The following REEP5 variants were observed in gnomAD, a reference collection of about 807,000 sequenced individuals.
REEP5 encodes receptor expression-enhancing protein 5.
REEP5 carries 24 observed loss-of-function variants against 22.4 expected under a neutral mutation model. That is an observed-to-expected ratio of 1.07 (90% CI 0.78 to 1.51). The LOEUF (loss-of-function observed/expected upper bound fraction) is 1.51. Among genes scored for constraint, REEP5 ranks in the 40% most tolerant of loss-of-function variants. The pLI is 0.00. For synonymous variants in REEP5, 103 were observed against 88.6 expected, an observed-to-expected ratio of 1.16 and a Z score of -0.92; for missense variants, 252 against 233.0, an observed-to-expected ratio of 1.08 and a Z score of -0.53.
chr5:112,909,096 C>T (rs2150046419), intron 2 of REEP5, among the ~76,000 whole-genome samples: 1 of 151,640 alleles, frequency 6.6e-6, no homozygotes, highest in South Asian at 2.1e-4. Flanking sequence ...GCTTTCCCTT[C>T]ATTTCTTCTC....
At position 112,886,875 on chromosome 5, in the gene REEP5, C is replaced by G. The variant is rs1444888374; in HGVS notation, c.520+140G>C. ...TGTAAGTGTTCTCAATAGGCAAAGA[C>G]TTTGTAAAGAAATCCCAGAGTAATG... On this transcript the variant is annotated intron_variant, in intron 4 of 4. Transcript: ENST00000379638. The G allele has an allele frequency of 6.5e-5, 38 of 584,414 alleles. 3 individuals are homozygous for G. The Admixed American group carries it at 9.2e-4, about 14-fold the overall frequency. 36.2% of individuals were successfully genotyped at this position (584,414 alleles called of 1,614,324 possible).
chr5:112,892,024 CA>C (rs1211824214), intron 3 of REEP5: 1 of 1,354,590 alleles, frequency 7.4e-7, no homozygotes. Context: ...AGAGGAGGAG[CA>C]GAAACAACAG....
At chr5:112,884,211 A>G (rs368884927) in intron 4 of REEP5, among the ~76,000 whole-genome samples, 1 of 152,082 alleles carries the variant, frequency 6.6e-6, no homozygotes, top group East Asian at 1.9e-4. Context: ...AACCTTTACA[A>G]TGGCCTATAA....
rs945825136 is a variant in REEP5, at chr5:112,878,092, C to G, written c.*694G>C. On this transcript the variant is annotated 3_prime_UTR_variant, in exon 5 of 5. Transcript: ENST00000379638. ...TGCTTTATAAAGCTATCCTGGTATTCATATGCCATATACTACGGAAACAAC... is the reference window on the plus strand; with the variant it reads ...TGCTTTATAAAGCTATCCTGGTATTGATATGCCATATACTACGGAAACAAC... The G allele has an allele frequency of 1.3e-5, 2 of 151,644 alleles. No homozygotes were observed. The highest frequency in any genetic ancestry group is 4.9e-5 in the African/African-American group (2 of 41,174). The allele number at this position is 151,644 out of a possible 1,614,324, so 9.4% of individuals were successfully genotyped here. A position where few individuals can be genotyped will look rare whatever the true frequency, so the allele number is the denominator to read the frequency against.
intron 2 of REEP5, among the ~76,000 whole-genome samples, chr5:112,907,833 G>A (rs1237539590): frequency 6.6e-6 from 1 of 152,050 alleles, no homozygotes; most frequent in Non-Finnish European, 1.5e-5. Flanking sequence ...GTATTGACAG[G>A]GAAAGATGTC....
intron 4 of REEP5, among the ~76,000 whole-genome samples, chr5:112,879,532 G>A (rs1477644146): frequency 6.6e-6 from 1 of 152,148 alleles, no homozygotes; most frequent in Non-Finnish European, 1.5e-5. Flanking sequence ...GGAGTGCAGT[G>A]GCGCGATCTC....
chr5:112,911,603 C>G (rs572615449), intron 2 of REEP5, among the ~76,000 whole-genome samples: 1 of 152,140 alleles, frequency 6.6e-6, no homozygotes, highest in African/African-American at 2.4e-5. Context: ...TCTTACCATG[C>G]AAAATAGATC....
chr5:112,891,827 TAGA>T (rs769798543), intron 3 of REEP5: 6 of 1,574,730 alleles, frequency 3.8e-6, no homozygotes, highest in East Asian at 2.2e-5. Flanking sequence ...GAACAACAAC[TAGA>T]AGAAGAGAAG....
At chr5:112,915,917 AC>A (rs901820854) in intron 2 of REEP5, among the ~76,000 whole-genome samples, 1 of 151,072 alleles carries the variant, frequency 6.6e-6, no homozygotes, top group Non-Finnish European at 1.5e-5. Flanking sequence ...AAACAAATAC[AC>A]CCCCTACTAA....
chr5:112,914,146 A>T (rs1383948662), intron 2 of REEP5, among the ~76,000 whole-genome samples: 2 of 151,486 alleles, frequency 1.3e-5, no homozygotes, highest in Non-Finnish European at 2.9e-5. Flanking sequence ...TGTCTCAAAA[A>T]AAACACACTC....
intron 4 of REEP5, among the ~76,000 whole-genome samples, chr5:112,882,572 C>T (rs1023587063): frequency 1.3e-5 from 2 of 152,074 alleles, no homozygotes; most frequent in South Asian, 2.1e-4. Context: ...AATTCATGAA[C>T]GCAAATCTCA....
intron 4 of REEP5, among the ~76,000 whole-genome samples, chr5:112,883,588 C>T (rs147429640): frequency 1.3e-4 from 20 of 152,300 alleles, no homozygotes; most frequent in Non-Finnish European, 2.9e-4. Flanking sequence ...CCTAACTACA[C>T]TACCTTCGTG....
At chr5:112,887,608 A>G (rs1768299550) in intron 3 of REEP5, among the ~76,000 whole-genome samples, 1 of 152,212 alleles carries the variant, frequency 6.6e-6, no homozygotes, top group South Asian at 2.1e-4. Context: ...TGGTAAGTTT[A>G]TCACATTTAT....
At chr5:112,906,493 A>T (rs980999055) in intron 2 of REEP5, among the ~76,000 whole-genome samples, 1 of 152,168 alleles carries the variant, frequency 6.6e-6, no homozygotes, top group East Asian at 1.9e-4. Context: ...GACCCCAGAG[A>T]AAGGTTAAAC....
chr5:112,897,182 A>C (rs990091860), intron 3 of REEP5: 2 of 152,084 alleles, frequency 1.3e-5, no homozygotes, highest in African/African-American at 4.8e-5. Context: ...TCTAAGCCAC[A>C]CATATGTTAA....
intron 3 of REEP5, chr5:112,892,131 C>G: frequency 6.2e-7 from 1 of 1,614,128 alleles, no homozygotes; most frequent in South Asian, 1.1e-5. Context: ...CAGAACCACC[C>G]GTGGATTTCA....
chr5:112,918,957 G>C (rs1279818026), intron 2 of REEP5, among the ~76,000 whole-genome samples: 1 of 152,130 alleles, frequency 6.6e-6, no homozygotes, highest in Non-Finnish European at 1.5e-5. Context: ...TTCTTGCCTG[G>C]GTAGACTGCT....
intron 4 of REEP5, 32 bp from the exon 5 acceptor site, chr5:112,878,867 T>C (rs1398874526): frequency 3.1e-6 from 5 of 1,613,650 alleles, no homozygotes; most frequent in Admixed American, 1.7e-5. Context: ...AAGAAAAATA[T>C]ATCAAAGCTC....
At position 112,921,810 on chromosome 5, in the gene REEP5, T is replaced by G. The variant is rs572967568; in HGVS notation, c.118+263A>C. The G allele has an allele frequency of 9.3e-4, 321 of 343,502 alleles. 2 individuals carry two copies. The highest frequency in any genetic ancestry group is 6.6e-3 in the African/African-American group (299 of 45,410). 21.3% of individuals were successfully genotyped at this position (343,502 alleles called of 1,614,324 possible). On this transcript the variant is annotated intron_variant, in intron 1 of 4. Transcript: ENST00000379638. Reference sequence around the variant, plus strand: ...AGGGCGCCGGGCCGCGGGGCAGACATACGTCAGCGCTGGCCCTTCCAGCTG... The same window carrying G: ...AGGGCGCCGGGCCGCGGGGCAGACAGACGTCAGCGCTGGCCCTTCCAGCTG...
Sources: allele counts gnomAD v4.1 joint callset (sites outside exome capture counted in the v4.1 genomes callset), GRCh38; gene constraint gnomAD v4.1.1; transcripts MANE v1.5; gene names NCBI Gene and HGNC (gene_info 2026-07-23, HGNC 2026-07-21).